Variants in STPG2 observed in about 807,000 individuals in gnomAD.
STPG2 encodes sperm-tail PG-rich repeat-containing protein 2.
Under a neutral mutation model 54.2 loss-of-function variants are expected in STPG2, and 56 were observed. The ratio of observed to expected loss-of-function variants is 1.03; its 90% CI spans 0.83 to 1.29. The LOEUF (loss-of-function observed/expected upper bound fraction) is 1.29, where lower values mean the gene tolerates loss of function less well. Among genes scored for constraint, STPG2 ranks in the 50% most tolerant of loss-of-function variants. STPG2 has a pLI of 0.00. For missense variants in STPG2, 596 were observed against 544.9 expected (o/e 1.09, Z -0.93); for synonymous variants, 200 against 181.8 (o/e 1.10, Z -0.81).
At chr4:97,720,535 T>G (rs1724417155) in intron 9 of STPG2, among the ~76,000 whole-genome samples, 1 of 151,960 alleles carries the variant, frequency 6.6e-6, no homozygotes, top group African/African-American at 2.4e-5. Flanking sequence ...ATCATATTAA[T>G]CAAATGACAA....
intron 4 of STPG2, among the ~76,000 whole-genome samples, chr4:97,495,046 A>G (rs987948005): frequency 6.6e-6 from 1 of 151,486 alleles, no homozygotes; most frequent in African/African-American, 2.4e-5. Context: ...TCTCTATAAC[A>G]TAAATCTTCA....
chr4:98,114,765 T>TGTGTG (rs1553943343), intron 3 of STPG2, among the ~76,000 whole-genome samples: 3 of 148,780 alleles, frequency 2.0e-5, no homozygotes, highest in African/African-American at 7.4e-5. Flanking sequence ...TTTTTTTTTT[T>TGTGTG]TGTGTGTGTG....
intron 4 of STPG2, among the ~76,000 whole-genome samples, chr4:97,540,584 C>T (rs914818923): frequency 6.6e-5 from 10 of 152,106 alleles, no homozygotes; most frequent in African/African-American, 1.9e-4. Context: ...GAAACTATTC[C>T]AATCAATAGA....
chr4:98,009,976 T>C (rs1735694344), intron 5 of STPG2, among the ~76,000 whole-genome samples: 2 of 152,068 alleles, frequency 1.3e-5, no homozygotes, highest in South Asian at 4.1e-4. Flanking sequence ...CTGATTATAT[T>C]TATTTGAGTC....
intron 4 of STPG2, among the ~76,000 whole-genome samples, chr4:97,520,653 G>C (rs1731161719): frequency 6.6e-6 from 1 of 152,000 alleles, no homozygotes; most frequent in Non-Finnish European, 1.5e-5. Context: ...TGCCAAGACA[G>C]TTTTAGTTTT....
intron 8 of STPG2, among the ~76,000 whole-genome samples, chr4:97,901,315 T>G (rs1462591415): frequency 1.3e-5 from 2 of 151,842 alleles, no homozygotes; most frequent in Non-Finnish European, 2.9e-5. Flanking sequence ...TTCAATCTAG[T>G]ACTAGAAGTT....
chr4:98,073,537 C>T (rs1249007894), intron 5 of STPG2, among the ~76,000 whole-genome samples: 1 of 152,098 alleles, frequency 6.6e-6, no homozygotes, highest in Non-Finnish European at 1.5e-5. Flanking sequence ...ACCAGCCTAG[C>T]CAACATGAGG....
intron 8 of STPG2, among the ~76,000 whole-genome samples, chr4:97,890,056 G>C (rs1730711345): frequency 6.6e-6 from 1 of 152,092 alleles, no homozygotes; most frequent in Admixed American, 6.5e-5. Flanking sequence ...TTCCAGATTG[G>C]TGGCATAATT....
At chr4:97,961,172 A>G (rs1733875802) in intron 7 of STPG2, among the ~76,000 whole-genome samples, 1 of 152,242 alleles carries the variant, frequency 6.6e-6, no homozygotes, top group African/African-American at 2.4e-5. Flanking sequence ...CTGAATCCTC[A>G]TTTCTCACCT....
chr4:97,666,739 G>A (rs1415021231), intron 10 of STPG2, among the ~76,000 whole-genome samples: 2 of 152,188 alleles, frequency 1.3e-5, no homozygotes, highest in Non-Finnish European at 2.9e-5. Context: ...TATTATATCT[G>A]TTATACAAGC....
At chr4:97,674,435 T>C (rs1028147039) in intron 10 of STPG2, among the ~76,000 whole-genome samples, 1 of 152,178 alleles carries the variant, frequency 6.6e-6, no homozygotes, top group Non-Finnish European at 1.5e-5. Context: ...GAGCAGTAAA[T>C]TGGTCAAAAT....
At position 98,020,150 on chromosome 4, in the gene STPG2, G is replaced by A. The variant is rs1437246257; in HGVS notation, c.613-38832C>T. Among the ~76,000 whole-genome samples the A allele has an allele frequency of 1.2e-4, 16 of 131,360 alleles. 4 individuals are homozygous for A. Among genetic ancestry groups the A allele is most frequent in the Admixed American group, 2.2e-4 (3 of 13,572 alleles). The allele number at this position is 131,360 out of a possible 152,430, so 86.2% of individuals were successfully genotyped here. On this transcript the variant is annotated intron_variant, in intron 5 of 10. Coordinates refer to ENST00000295268, the MANE Select transcript of STPG2 (RefSeq NM_174952.3). ...GCCCATTCAGTATGAGATTGGCTGT[G>A]GGTTTGTCATAGATAGCTCTTATTA...
intron 4 of STPG2, among the ~76,000 whole-genome samples, chr4:97,526,651 T>C (rs1731286835): frequency 1.3e-5 from 2 of 152,136 alleles, no homozygotes; most frequent in Admixed American, 1.3e-4. Flanking sequence ...TACTAGTTTC[T>C]TTTGCTGTGC....
At chr4:97,463,599 G>GCCA (rs1389620390) in intron 4 of STPG2, 1 of 152,062 alleles carries the variant, frequency 6.6e-6, no homozygotes, top group Non-Finnish European at 1.5e-5. Flanking sequence ...ACAGGTATGT[G>GCCA]CCACCATGCC....
At chr4:97,781,718 A>T (rs1334224128) in intron 9 of STPG2, among the ~76,000 whole-genome samples, 1 of 152,218 alleles carries the variant, frequency 6.6e-6, no homozygotes, top group Non-Finnish European at 1.5e-5. Flanking sequence ...CCAGCACATC[A>T]AAAAGCTTAT....
chr4:97,650,716 C>T (rs1480355195), intron 10 of STPG2, among the ~76,000 whole-genome samples: 1 of 152,084 alleles, frequency 6.6e-6, no homozygotes, highest in Non-Finnish European at 1.5e-5. Context: ...CAGTTAATCT[C>T]TTCAGGATTG....
intron 10 of STPG2, among the ~76,000 whole-genome samples, chr4:97,696,058 A>G (rs1196512931): frequency 6.6e-6 from 1 of 152,190 alleles, no homozygotes. Flanking sequence ...ACATAGCCAA[A>G]GCAAGACTAA....
chr4:97,809,897 CA>C (rs1163752859), intron 9 of STPG2, among the ~76,000 whole-genome samples: 1 of 151,224 alleles, frequency 6.6e-6, no homozygotes, highest in Non-Finnish European at 1.5e-5. Context: ...ATTTGTTACA[CA>C]GCAATAAAAA....
At chr4:97,634,096 G>C (rs906623422) in intron 10 of STPG2, among the ~76,000 whole-genome samples, 1 of 152,338 alleles carries the variant, frequency 6.6e-6, no homozygotes, top group Middle Eastern at 3.4e-3. Flanking sequence ...GTCCCTGTCT[G>C]ACAGCTTTGA....
Sources: allele counts gnomAD v4.1 joint callset (sites outside exome capture counted in the v4.1 genomes callset), GRCh38; gene constraint gnomAD v4.1.1; transcripts MANE v1.5; gene names NCBI Gene and HGNC (gene_info 2026-07-23, HGNC 2026-07-21).